The following EFCAB6 variants were observed in gnomAD, a reference collection of about 807,000 sequenced individuals.
EFCAB6 encodes the protein EF-hand calcium binding domain 6.
A neutral mutation model predicts 169.8 loss-of-function variants in EFCAB6; 156 were observed. That is an observed-to-expected ratio of 0.92 (90% CI 0.81 to 1.05). The LOEUF is 1.05. Ranked by LOEUF, EFCAB6 falls within the 50% of genes least tolerant of loss-of-function variation. The pLI is 0.00. For missense variants in EFCAB6, 1,800 were observed against 1,829.1 expected (o/e 0.98, Z 0.29); for synonymous variants, 698 against 676.4 (o/e 1.03, Z -0.50).
intron 14 of EFCAB6, 49 bp from the exon 15 acceptor site, chr22:43,672,182 C>T: frequency 6.2e-7 from 1 of 1,613,754 alleles, no homozygotes; most frequent in Non-Finnish European, 8.5e-7. Context: ...TCTGTAACCT[C>T]TTGTAACAGT....
intron 17 of EFCAB6, among the ~76,000 whole-genome samples, chr22:43,663,381 T>C (rs916060623): frequency 1.3e-5 from 2 of 152,194 alleles, no homozygotes; most frequent in African/African-American, 4.8e-5. Flanking sequence ...CTAGCTCTGA[T>C]TTCACCAGTA....
At chr22:43,590,370 G>T in intron 23 of EFCAB6, 141 bp from the exon 24 acceptor site, 1 of 839,772 alleles carries the variant, frequency 1.2e-6, no homozygotes, top group Non-Finnish European at 1.7e-6. Context: ...TACAGCCTCA[G>T]TGTAATACTG....
intron 10 of EFCAB6, among the ~76,000 whole-genome samples, chr22:43,702,401 C>T (rs1426337231): frequency 6.6e-6 from 1 of 152,186 alleles, no homozygotes; most frequent in Non-Finnish European, 1.5e-5. Flanking sequence ...GGAAATAGGC[C>T]TGAATCACCT....
intron 6 of EFCAB6, among the ~76,000 whole-genome samples, chr22:43,743,949 T>C (rs1342819349): frequency 2.0e-5 from 3 of 147,514 alleles, no homozygotes. Flanking sequence ...ATGGGACAGA[T>C]GGGTGAACGG....
chr22:43,638,519 G>A (rs2055582361), intron 17 of EFCAB6, among the ~76,000 whole-genome samples: 1 of 152,156 alleles, frequency 6.6e-6, no homozygotes, highest in Admixed American at 6.5e-5. Context: ...CTCTGTGAAG[G>A]AAGACGCCCT....
chr22:43,561,018 CTT>C (rs2048995787), intron 26 of EFCAB6, among the ~76,000 whole-genome samples: 1 of 152,176 alleles, frequency 6.6e-6, no homozygotes, highest in Non-Finnish European at 1.5e-5. Context: ...TGCAAATACT[CTT>C]TTCCTGCTTG....
intron 15 of EFCAB6, among the ~76,000 whole-genome samples, chr22:43,670,104 G>C (rs1461181575): frequency 6.6e-6 from 1 of 152,180 alleles, no homozygotes; most frequent in Admixed American, 6.5e-5. Context: ...CTCTCTGCTA[G>C]AGACCTTCAG....
intron 23 of EFCAB6, among the ~76,000 whole-genome samples, chr22:43,598,875 G>C (rs1179752075): frequency 1.3e-5 from 2 of 152,144 alleles, no homozygotes. Context: ...CGATTACCCT[G>C]ATTTGATCAT....
Position 43,784,720 on chromosome 22 carries a change from T to C in EFCAB6, c.-7-2395A>G, listed in dbSNP as rs867024392. ...ACACACACACACACACACACACACATATATATATATGCCAGGCATGGTGGC... is the reference window on the plus strand; with the variant it reads ...ACACACACACACACACACACACACACATATATATATGCCAGGCATGGTGGC... On this transcript the variant is annotated intron_variant, in intron 2 of 31. Transcript: ENST00000262726. Among the ~76,000 whole-genome samples the C allele has an allele frequency of 4.5e-3, 574 of 126,476 alleles. 10 individuals are homozygous for C. Among genetic ancestry groups the C allele is most frequent in the African/African-American group, 0.015 (467 of 31,564 alleles). The allele number at this position is 126,476 out of a possible 152,430, so 83.0% of individuals were successfully genotyped here. A position where few individuals can be genotyped will look rare whatever the true frequency, so the allele number is the denominator to read the frequency against.
chr22:43,532,818 C>T (rs2047158161), intron 30 of EFCAB6, among the ~76,000 whole-genome samples: 3 of 143,900 alleles, frequency 2.1e-5, no homozygotes, highest in African/African-American at 7.5e-5. Context: ...TGAGTGGGAG[C>T]GGGGCCAGGT....
chr22:43,697,359 G>C (rs2058612394), intron 10 of EFCAB6, among the ~76,000 whole-genome samples: 1 of 152,164 alleles, frequency 6.6e-6, no homozygotes, highest in Admixed American at 6.5e-5. Context: ...TGAGAAAACA[G>C]AATGTAATCT....
At chr22:43,724,675 T>C (rs1217871185) in intron 8 of EFCAB6, among the ~76,000 whole-genome samples, 1 of 152,084 alleles carries the variant, frequency 6.6e-6, no homozygotes, top group Non-Finnish European at 1.5e-5. Context: ...CTGCCTACCA[T>C]CCATATTTCT....
At chr22:43,571,577 G>A (rs1212424665) in intron 26 of EFCAB6, among the ~76,000 whole-genome samples, 4 of 152,094 alleles carry the variant, frequency 2.6e-5, no homozygotes, top group Non-Finnish European at 4.4e-5. Flanking sequence ...GTTCTTCCCC[G>A]GCTGCCTTCC....
intron 5 of EFCAB6, among the ~76,000 whole-genome samples, chr22:43,763,515 C>A (rs142536113): frequency 6.6e-6 from 1 of 152,170 alleles, no homozygotes; most frequent in Admixed American, 6.5e-5. Flanking sequence ...CCCCTCCCCA[C>A]GACACAAATT....
rs530527567 is a variant in EFCAB6 at position 43,685,651 on chromosome 22, C to T, written c.1143-1796G>A. On this transcript the variant is annotated intron_variant, in intron 11 of 31. Coordinates refer to ENST00000262726, the MANE Select transcript of EFCAB6 (RefSeq NM_022785.4). ...AACTGTACAGGCAGTGGTGACCCAT[C>T]GCGGATTTTGATTGATCTTGCAAAA... 5.8e-4 allele frequency among the ~76,000 whole-genome samples: 89 copies of T among 152,254 alleles called. 1 individual carries two copies. Among genetic ancestry groups the T allele is most frequent in the African/African-American group, 2.1e-3 (87 of 41,540 alleles).
chr22:43,661,696 C>G (rs2057009368), intron 17 of EFCAB6, among the ~76,000 whole-genome samples: 1 of 152,214 alleles, frequency 6.6e-6, no homozygotes, highest in African/African-American at 2.4e-5. Context: ...CTGCCTCCAC[C>G]AGGAGGCATG....
intron 20 of EFCAB6, among the ~76,000 whole-genome samples, chr22:43,625,311 T>C (rs1393824756): frequency 5.3e-5 from 8 of 152,154 alleles, no homozygotes; most frequent in Non-Finnish European, 1.0e-4. Context: ...CAAAACAGCA[T>C]AGTGAGTGTC....
intron 21 of EFCAB6, among the ~76,000 whole-genome samples, chr22:43,610,121 G>A (rs749191169): frequency 6.6e-6 from 1 of 152,128 alleles, no homozygotes; most frequent in Non-Finnish European, 1.5e-5. Context: ...CATGACTCCA[G>A]AGTAGAATTC....
intron 19 of EFCAB6, among the ~76,000 whole-genome samples, chr22:43,631,303 C>A (rs1475339204): frequency 6.6e-6 from 1 of 151,968 alleles, no homozygotes; most frequent in Non-Finnish European, 1.5e-5. Context: ...TCTTTTACTT[C>A]TCATCACAAA....
Sources: gnomAD v4.1 joint callset for allele counts (sites outside exome capture counted in the v4.1 genomes callset) on GRCh38, gnomAD v4.1.1 for gene constraint, MANE v1.5 for transcripts, NCBI Gene and HGNC (gene_info 2026-07-23, HGNC 2026-07-21) for gene names.